Variants in AGBL4 observed in about 807,000 individuals in gnomAD.
AGBL4 encodes the protein cytosolic carboxypeptidase 6.
In AGBL4, 58 loss-of-function variants were observed where a neutral mutation model predicts 66.4. The observed-to-expected ratio is 0.87, with a 90% confidence interval of 0.71 to 1.09. The LOEUF (loss-of-function observed/expected upper bound fraction) is 1.09, where lower values mean the gene tolerates loss of function less well. Ranked by LOEUF, AGBL4 falls within the 50% of genes least tolerant of loss-of-function variation. The pLI is 0.00. For missense variants in AGBL4, 579 were observed against 631.0 expected, an observed-to-expected ratio of 0.92 and a Z score of 0.88; for synonymous variants, 234 against 222.9, an observed-to-expected ratio of 1.05 and a Z score of -0.44.
chr1:49,768,779 T>C (rs1263423712), intron 2 of AGBL4, among the ~76,000 whole-genome samples: 2 of 152,074 alleles, frequency 1.3e-5, no homozygotes, highest in East Asian at 3.9e-4. Flanking sequence ...AACCCTAGAT[T>C]CCACCAAAAG....
At chr1:49,283,028 G>C (rs1644314265) in intron 3 of AGBL4, among the ~76,000 whole-genome samples, 1 of 152,240 alleles carries the variant, frequency 6.6e-6, no homozygotes, top group African/African-American at 2.4e-5. Flanking sequence ...CACAGCTCAA[G>C]AAGGCCTGCC....
chr1:49,855,101 T>C (rs144662168), intron 1 of AGBL4, among the ~76,000 whole-genome samples: 2 of 152,272 alleles, frequency 1.3e-5, no homozygotes, highest in East Asian at 3.9e-4. Context: ...CTCTTTTCTT[T>C]AGAAATCACC....
chr1:49,593,884 T>C (rs1490200012), intron 3 of AGBL4, among the ~76,000 whole-genome samples: 2 of 152,046 alleles, frequency 1.3e-5, no homozygotes, highest in Non-Finnish European at 2.9e-5. Context: ...TCAAAAAATA[T>C]AGAGAGTATG....
intron 3 of AGBL4, among the ~76,000 whole-genome samples, chr1:49,463,902 A>C (rs1354820954): frequency 6.6e-6 from 1 of 151,778 alleles, no homozygotes; most frequent in Non-Finnish European, 1.5e-5. Context: ...TGCTGAGCCT[A>C]AGCTAAGTAC....
intron 4 of AGBL4, among the ~76,000 whole-genome samples, chr1:49,073,469 C>T (rs1430993851): frequency 6.6e-6 from 1 of 152,082 alleles, no homozygotes; most frequent in African/African-American, 2.4e-5. Context: ...GATGCTATTC[C>T]TTCCTCTTTG....
chr1:49,590,309 C>T (rs531195741), intron 3 of AGBL4, among the ~76,000 whole-genome samples: 2 of 150,438 alleles, frequency 1.3e-5, no homozygotes, highest in East Asian at 1.9e-4. Flanking sequence ...TCAATAAAAC[C>T]GAGAATATAA....
chr1:48,690,026 T>C (rs892616316), intron 6 of AGBL4, among the ~76,000 whole-genome samples: 1 of 152,192 alleles, frequency 6.6e-6, no homozygotes, highest in African/African-American at 2.4e-5. Context: ...CTCGTTATGG[T>C]TTTTGGGGGT....
intron 6 of AGBL4, among the ~76,000 whole-genome samples, chr1:48,818,731 T>C (rs1284282461): frequency 6.6e-6 from 1 of 152,028 alleles, no homozygotes; most frequent in Non-Finnish European, 1.5e-5. Context: ...GTAAGAAAAA[T>C]ACTAGATATT....
intron 11 of AGBL4, among the ~76,000 whole-genome samples, chr1:48,579,036 G>A (rs1035017455): frequency 1.3e-5 from 2 of 151,980 alleles, no homozygotes; most frequent in African/African-American, 4.8e-5. Context: ...CAAAGCCCAG[G>A]CCTGTCTCCA....
chr1:50,020,771 T>C (rs998748035), intron 1 of AGBL4, among the ~76,000 whole-genome samples: 7 of 152,206 alleles, frequency 4.6e-5, no homozygotes, highest in Non-Finnish European at 8.8e-5. Flanking sequence ...TAAAGAGTTG[T>C]TATGAGACTG....
intron 4 of AGBL4, among the ~76,000 whole-genome samples, chr1:49,181,567 T>C (rs566717303): frequency 2.0e-5 from 3 of 152,272 alleles, no homozygotes; most frequent in East Asian, 3.9e-4. Context: ...TATCTACTCA[T>C]AGGGGTATTG....
At chr1:48,525,789 C>T in the AGBL4 span, among the ~76,000 whole-genome samples, 1 of 152,130 alleles carries the variant, frequency 6.6e-6, no homozygotes, top group Non-Finnish European at 1.5e-5. Flanking sequence ...CAATTTGAGT[C>T]TGGGAGTTGA....
intron 5 of AGBL4, among the ~76,000 whole-genome samples, chr1:48,922,083 C>T (rs1571006425): frequency 6.6e-6 from 1 of 152,022 alleles, no homozygotes; most frequent in Non-Finnish European, 1.5e-5. Context: ...GGGCACAGCC[C>T]TTCTAGTTTA....
chr1:49,126,132 C>A (rs1645759427), intron 4 of AGBL4, among the ~76,000 whole-genome samples: 1 of 152,102 alleles, frequency 6.6e-6, no homozygotes, highest in Admixed American at 6.6e-5. Flanking sequence ...TAACAATTAA[C>A]TGATGCTGCT....
intron 3 of AGBL4, among the ~76,000 whole-genome samples, chr1:49,546,526 C>G (rs1289554676): frequency 2.0e-5 from 3 of 152,018 alleles, no homozygotes; most frequent in Non-Finnish European, 4.4e-5. Flanking sequence ...TGGGTAGATA[C>G]CCAGTAGTGC....
intron 3 of AGBL4, among the ~76,000 whole-genome samples, chr1:49,487,291 C>T (rs1490029287): frequency 6.6e-6 from 1 of 151,970 alleles, no homozygotes; most frequent in Non-Finnish European, 1.5e-5. Flanking sequence ...GCTAAATGTT[C>T]TACAGGCACT....
At position 49,885,517 on chromosome 1, in the gene AGBL4, T is replaced by A. The variant is rs114576534; in HGVS notation, c.35-33999A>T. The stretch of plus-strand genomic sequence containing the variant: ...AAACCCCTAAACATTAAAAAAAAAA[T>A]TTCTCAAATACACATACCCTAATTC... On this transcript the variant is annotated intron_variant, in intron 1 of 13. Coordinates refer to ENST00000371839, the MANE Select transcript of AGBL4 (RefSeq NM_032785.4). Among the ~76,000 whole-genome samples the A allele has an allele frequency of 2.3e-4, 35 of 151,898 alleles. No homozygotes were observed. In the South Asian group the frequency reaches 3.7e-3, roughly 16 times the overall value.
At position 48,752,899 on chromosome 1, in the gene AGBL4, G is replaced by A. The variant is rs535241659; in HGVS notation, c.635-89658C>T. Among the ~76,000 whole-genome samples, 64 of 152,090 alleles carry A rather than the reference G, an allele frequency of 4.2e-4. 2 individuals carry two copies. The highest frequency in any genetic ancestry group is 2.2e-3 in the Admixed American group (34 of 15,284). The stretch of plus-strand genomic sequence containing the variant: ...TGAGTAGCTGGGACTACAGGCACGC[G>A]CCCCCATGCCCAGCTAATTTTTGTA... On this transcript the variant is annotated intron_variant, in intron 6 of 13. Transcript: ENST00000371839.
At chr1:49,777,313 T>G (rs1161660097) in intron 2 of AGBL4, among the ~76,000 whole-genome samples, 1 of 152,144 alleles carries the variant, frequency 6.6e-6, no homozygotes, top group Non-Finnish European at 1.5e-5. Flanking sequence ...AAACAGTACT[T>G]TTGTAGAAAT....
Sources: gnomAD v4.1 joint callset for allele counts (sites outside exome capture counted in the v4.1 genomes callset) on GRCh38, gnomAD v4.1.1 for gene constraint, MANE v1.5 for transcripts, NCBI Gene and HGNC (gene_info 2026-07-23, HGNC 2026-07-21) for gene names.